Variants in ALDH1A3 observed in about 807,000 individuals in gnomAD.
ALDH1A3 encodes aldehyde dehydrogenase 1 family member A3.
Under a neutral mutation model 57.5 loss-of-function variants are expected in ALDH1A3, and 28 were observed. The ratio of observed to expected loss-of-function variants is 0.49; its 90% CI spans 0.36 to 0.67. The LOEUF (loss-of-function observed/expected upper bound fraction) is 0.67. Among genes scored for constraint, ALDH1A3 ranks in the 30% least tolerant of loss-of-function variants. ALDH1A3 has a pLI of 0.00. For missense variants in ALDH1A3, 507 were observed against 669.4 expected (o/e 0.76, Z 2.68); for synonymous variants, 281 against 264.8 (o/e 1.06, Z -0.59).
intron 1 of ALDH1A3, among the ~76,000 whole-genome samples, chr15:100,882,969 A>C (rs1275736898): frequency 1.3e-5 from 2 of 152,258 alleles, no homozygotes; most frequent in African/African-American, 4.8e-5. Context: ...GTGATGGGAA[A>C]ATATGGTTAG....
intron 11 of ALDH1A3, 98 bp from the exon 12 acceptor site, chr15:100,908,310 A>G: frequency 1.0e-6 from 1 of 996,458 alleles, no homozygotes; most frequent in Non-Finnish European, 1.5e-6. Flanking sequence ...AAGACTGTTT[A>G]TTAGACAATG....
At chr15:100,897,981 G>A in intron 7 of ALDH1A3, 102 bp from the exon 8 acceptor site, 1 of 1,084,604 alleles carries the variant, frequency 9.2e-7, no homozygotes. Context: ...GCCAGGTGGT[G>A]GCACTGCCAC....
chr15:100,885,433 A>AGTGT, intron 2 of ALDH1A3, 62 bp downstream of exon 2: 1 of 1,302,924 alleles, frequency 7.7e-7, no homozygotes, highest in Admixed American at 1.7e-5. Context: ...AGGATAAGGA[A>AGTGT]ACGGTTCGGC....
chr15:100,904,813 C>T (rs2041806553), intron 9 of ALDH1A3, among the ~76,000 whole-genome samples: 1 of 152,222 alleles, frequency 6.6e-6, no homozygotes, highest in South Asian at 2.1e-4. Flanking sequence ...GAGTCTTTCT[C>T]ATGAGCTGTT....
intron 1 of ALDH1A3, among the ~76,000 whole-genome samples, chr15:100,882,990 T>C (rs184508401): frequency 9.1e-4 from 139 of 152,220 alleles, no homozygotes; most frequent in Non-Finnish European, 1.5e-3. Context: ...AGTCAAACAG[T>C]CTGATTTTTT....
At chr15:100,909,890 A>T (rs2041866711) in intron 12 of ALDH1A3, among the ~76,000 whole-genome samples, 1 of 152,200 alleles carries the variant, frequency 6.6e-6, no homozygotes. Context: ...ATCTCTAGGG[A>T]CCCAAACTCT....
rs200510714 is a variant in ALDH1A3 at position 100,908,396 on chromosome 15, A to G, written c.1392-12A>G. 1 of 1,612,456 alleles carries G rather than the reference A, an allele frequency of 6.2e-7. No homozygotes were observed. The highest frequency in any genetic ancestry group is 8.5e-7 in the Non-Finnish European group (1 of 1,178,678). On this transcript the variant is annotated splice_polypyrimidine_tract_variant and intron_variant, in intron 11 of 12. Coordinates refer to ENST00000329841, the MANE Select transcript of ALDH1A3 (RefSeq NM_000693.4). Reference sequence around the variant, plus strand: ...TCCAGATGACTCTGAGCTTTCTTCCATTCTTTTCTAGGATCAACTGCTACA... The same window carrying G: ...TCCAGATGACTCTGAGCTTTCTTCCGTTCTTTTCTAGGATCAACTGCTACA...
rs1175515849 is a variant in ALDH1A3 at position 100,893,279 on chromosome 15, T to C, written c.537+273T>C. On this transcript the variant is annotated intron_variant, in intron 5 of 12. Transcript: ENST00000329841. The surrounding 1 kb of genome is among the most constrained non-coding windows in gnomAD (Gnocchi z 4.8). Reference sequence around the variant, plus strand: ...GGCCAGCATTCCCAGGAAGGTGGTCTCTTAGCTGGGCCTTAAAGATAAGAA... The same window carrying C: ...GGCCAGCATTCCCAGGAAGGTGGTCCCTTAGCTGGGCCTTAAAGATAAGAA... The C allele has an allele frequency of 2.7e-6, 1 of 377,162 alleles. No individual in the cohort carries two copies. Among genetic ancestry groups the C allele is most frequent in the Non-Finnish European group, 4.7e-6 (1 of 211,098 alleles). The allele number at this position is 377,162 out of a possible 1,614,324, so 23.4% of individuals were successfully genotyped here. A position where few individuals can be genotyped will look rare whatever the true frequency, so the allele number is the denominator to read the frequency against.
rs1307594804 is a variant in ALDH1A3 at position 100,879,951 on chromosome 15, G to A, written c.44G>A (p.Arg15Lys). The A allele has an allele frequency of 2.7e-6, 4 of 1,474,522 alleles. No homozygotes were observed. Among genetic ancestry groups the A allele is most frequent in the Non-Finnish European group, 2.7e-6 (3 of 1,111,982 alleles). 91.3% of individuals were successfully genotyped at this position (1,474,522 alleles called of 1,614,324 possible). The change falls in exon 1 of 13, where the codon AGG becomes AAG. Residue 15 changes from arginine (R) to lysine (K), a missense_variant. This residue lies in a region of ALDH1A3 where 75 missense variants were observed against 61.0 expected (regional missense o/e 1.23). Coordinates refer to ENST00000329841, the MANE Select transcript of ALDH1A3 (RefSeq NM_000693.4). ...GCCGTGGAAAACGGGCAGCCGGACA[G>A]GAAGCCGCCGGCCCTGCCGCGCCCC... ...NGAVENGQPD[R>K]KPPALPRPIR...
At chr15:100,911,767 C>T (rs1431414843) in intron 12 of ALDH1A3, among the ~76,000 whole-genome samples, 1 of 152,178 alleles carries the variant, frequency 6.6e-6, no homozygotes, top group Non-Finnish European at 1.5e-5. Context: ...ACCAGGACAG[C>T]AACTTCAGAA....
At chr15:100,911,167 T>A (rs2041879042) in intron 12 of ALDH1A3, among the ~76,000 whole-genome samples, 2 of 152,284 alleles carry the variant, frequency 1.3e-5, no homozygotes, top group African/African-American at 4.8e-5. Flanking sequence ...AACCAATTTC[T>A]GTCTTCAGTT....
At chr15:100,908,559 T>G in intron 12 of ALDH1A3, 77 bp downstream of exon 12, 1 of 1,332,226 alleles carries the variant, frequency 7.5e-7, no homozygotes, top group Non-Finnish European at 1.1e-6. Context: ...TGACACAGGC[T>G]CCAATCTGCT....
intron 8 of ALDH1A3, among the ~76,000 whole-genome samples, chr15:100,899,960 C>T (rs138359261): frequency 2.2e-4 from 33 of 152,276 alleles, no homozygotes; most frequent in Non-Finnish European, 4.4e-4. Context: ...CACTAGAAAC[C>T]CCTCTGTAGA....
Position 100,894,066 on chromosome 15 carries a change from G to T in ALDH1A3, c.650G>T (p.Gly217Val). 6.2e-7 allele frequency: 1 copy of T among 1,614,014 alleles called. No homozygotes were observed. Among genetic ancestry groups the T allele is most frequent in the Non-Finnish European group, 8.5e-7 (1 of 1,179,988 alleles). ...ACACCTCTCACCGCCCTTTATCTCG[G>T]CTCTCTGATCAAAGAGGTGAGACAT... ...EQTPLTALYL[G>V]SLIKEAGFPP... Residue 217 changes from glycine to valine, a missense_variant, in exon 6 of 13, where the codon GGC becomes GTC. Gly to Val is a moderately radical substitution (Grantham distance 109). Transcript: ENST00000329841. The surrounding 1 kb of genome is among the most constrained non-coding windows in gnomAD (Gnocchi z 4.5).
intron 1 of ALDH1A3, chr15:100,881,389 A>G (rs2041546568): frequency 6.6e-6 from 1 of 152,180 alleles, no homozygotes; most frequent in Admixed American, 6.5e-5. Flanking sequence ...CCCTAACCCC[A>G]GGTGCTTGGC....
chr15:100,893,187 T>C lies in ALDH1A3; in HGVS notation c.537+181T>C, dbSNP rs2041668511. ...GAGATGGATTAGACCCCATTTCTGC[T>C]CTCCTAAGACCGGCTTTAGGCATGC... On this transcript the variant is annotated intron_variant, in intron 5 of 12. Transcript: ENST00000329841. This position sits in a 1 kb window ranked among gnomAD's most constrained non-coding sequence, Gnocchi z 4.8. 1.9e-6 allele frequency: 1 copy of C among 533,414 alleles called. No individual in the cohort carries two copies. Among genetic ancestry groups the C allele is most frequent in the South Asian group, 3.5e-5 (1 of 28,466 alleles). The allele number at this position is 533,414 out of a possible 1,614,324, so 33.0% of individuals were successfully genotyped here. A position where few individuals can be genotyped will look rare whatever the true frequency, so the allele number is the denominator to read the frequency against.
chr15:100,899,483 C>T (rs1410934252), intron 8 of ALDH1A3, among the ~76,000 whole-genome samples: 1 of 152,190 alleles, frequency 6.6e-6, no homozygotes, highest in Non-Finnish European at 1.5e-5. Context: ...TGCTGTGTAG[C>T]CACCTCCTTC....
At chr15:100,911,239 C>T (rs957525853) in intron 12 of ALDH1A3, among the ~76,000 whole-genome samples, 4 of 152,188 alleles carry the variant, frequency 2.6e-5, no homozygotes, top group African/African-American at 4.8e-5. Context: ...GAGCATCGTG[C>T]GGGGGATTCC....
Position 100,914,872 on chromosome 15 carries a change from C to A in ALDH1A3, c.*99C>A. The A allele has an allele frequency of 8.9e-7, 1 of 1,120,214 alleles. No individual in the cohort carries two copies. The highest frequency in any genetic ancestry group is 1.3e-6 in the Non-Finnish European group (1 of 768,332). 69.4% of individuals were successfully genotyped at this position (1,120,214 alleles called of 1,614,324 possible). A position where few individuals can be genotyped will look rare whatever the true frequency, so the allele number is the denominator to read the frequency against. ...TGACATTTCTGACCTTCCCGGGACA[C>A]ATTCTTCTGGAGGCTTTACATCTAC... On this transcript the variant is annotated 3_prime_UTR_variant, in exon 13 of 13. Transcript: ENST00000329841.
Sources: gnomAD v4.1 joint callset for allele counts (sites outside exome capture counted in the v4.1 genomes callset) on GRCh38, gnomAD v4.1.1 for gene constraint, gnomAD v4.1.1 regional missense constraint, Gnocchi (gnomAD v3.1) non-coding constraint, MANE v1.5 for transcripts, NCBI Gene and HGNC (gene_info 2026-07-23, HGNC 2026-07-21) for gene names.